COL28A1: variants seen among roughly 807,000 people sequenced by gnomAD.
The protein encoded by COL28A1 is collagen alpha-1(XXVIII) chain.
COL28A1 carries 161 observed loss-of-function variants against 150.2 expected under a neutral mutation model. The observed-to-expected ratio is 1.07, with a 90% CI of 0.94 to 1.22. The LOEUF (loss-of-function observed/expected upper bound fraction) is 1.22, where lower values mean the gene tolerates loss of function less well. Ranked by LOEUF, COL28A1 falls within the 50% of genes most tolerant of loss-of-function variation. The probability of loss-of-function intolerance (pLI) is 0.00; values close to 1 mark genes in which losing one functional copy is unlikely to be tolerated. For missense variants in COL28A1, 1,617 were observed against 1,388.3 expected, an observed-to-expected ratio of 1.16 and a Z score of -2.62; for synonymous variants, 552 against 469.7, an observed-to-expected ratio of 1.18 and a Z score of -2.26.
chr7:7,383,679 T>TGG (rs1250859112), intron 27 of COL28A1, among the ~76,000 whole-genome samples: 3 of 76,492 alleles, frequency 3.9e-5, no homozygotes, highest in African/African-American at 1.4e-4. Flanking sequence ...TGTGTGTGTG[T>TGG]GTGTATATAT....
chr7:7,531,935 A>G, intron 2 of COL28A1, 31 bp from the exon 3 acceptor site: 5 of 1,356,264 alleles, frequency 3.7e-6, no homozygotes, highest in Non-Finnish European at 5.2e-6. Context: ...TAGGCAAAAT[A>G]ATTATTCCTA....
At chr7:7,352,744 A>G (rs374578811), downstream of COL28A1, among the ~76,000 whole-genome samples, 5 of 152,224 alleles carry the variant, frequency 3.3e-5, no homozygotes, top group Admixed American at 2.0e-4. Context: ...CTACAAAATT[A>G]TAACATAACA....
chr7:7,519,995 T>C (rs1781625291), intron 6 of COL28A1, 67 bp downstream of exon 6: 1 of 812,298 alleles, frequency 1.2e-6, no homozygotes, highest in Non-Finnish European at 2.1e-6. Flanking sequence ...TTTTTAAAAT[T>C]GTTGTTTTAA....
At chr7:7,361,942 ACAC>A (rs1273412195) in intron 33 of COL28A1, among the ~76,000 whole-genome samples, 1 of 152,214 alleles carries the variant, frequency 6.6e-6, no homozygotes, top group Non-Finnish European at 1.5e-5. Context: ...AGAAAACCAA[ACAC>A]CACATGTTCT....
intron 15 of COL28A1, among the ~76,000 whole-genome samples, chr7:7,461,155 A>G (rs1173595329): frequency 6.6e-6 from 1 of 152,176 alleles, no homozygotes; most frequent in Non-Finnish European, 1.5e-5. Flanking sequence ...GGGAACCTGA[A>G]GGTCTAGATT....
chr7:7,374,185 T>C (rs7808775), intron 31 of COL28A1, among the ~76,000 whole-genome samples: 93,962 of 151,588 alleles, frequency 0.62, 33,023 homozygotes, highest in East Asian at 0.87. Context: ...AACATTCCTC[T>C]TCCTCTCCCA....
At chr7:7,486,745 T>A (rs1242209104) in intron 13 of COL28A1, among the ~76,000 whole-genome samples, 2 of 152,234 alleles carry the variant, frequency 1.3e-5, no homozygotes, top group African/African-American at 2.4e-5. Context: ...ATTCCATTGA[T>A]TAATTTTCAA....
intron 15 of COL28A1, among the ~76,000 whole-genome samples, chr7:7,458,392 GACA>G (rs1344699452): frequency 4.6e-5 from 7 of 150,870 alleles, no homozygotes; most frequent in Admixed American, 4.0e-4. Context: ...CTCCAGCCTG[GACA>G]ACAAGAGTGA....
chr7:7,442,042 C>A (rs1785837033), intron 20 of COL28A1, among the ~76,000 whole-genome samples: 1 of 152,132 alleles, frequency 6.6e-6, no homozygotes, highest in Non-Finnish European at 1.5e-5. Context: ...AGCAGGAACC[C>A]AATTACATGT....
intron 30 of COL28A1, 69 bp from the exon 31 acceptor site, chr7:7,375,566 A>G (rs1230769622): frequency 2.0e-6 from 2 of 1,016,880 alleles, no homozygotes; most frequent in Admixed American, 4.8e-5. Flanking sequence ...GCCATAAAAG[A>G]TATCTCATTA....
intron 32 of COL28A1, among the ~76,000 whole-genome samples, chr7:7,371,725 A>C (rs1781230095): frequency 1.3e-5 from 2 of 152,394 alleles, no homozygotes; most frequent in South Asian, 4.1e-4. Flanking sequence ...CTTAAATTAG[A>C]TCAATGTCCT....
intron 33 of COL28A1, among the ~76,000 whole-genome samples, chr7:7,362,250 A>ATACTTTT (rs1554258731): frequency 6.6e-6 from 1 of 151,688 alleles, no homozygotes; most frequent in African/African-American, 2.4e-5. Context: ...GAATAATTAT[A>ATACTTTT]TTCTTTTGCA....
chr7:7,372,960 A>G, intron 32 of COL28A1, 38 bp downstream of exon 32: 1 of 1,566,434 alleles, frequency 6.4e-7, no homozygotes, highest in Non-Finnish European at 8.7e-7. Flanking sequence ...GAGGAACAAC[A>G]TAAATGCCTT....
intron 30 of COL28A1, among the ~76,000 whole-genome samples, chr7:7,376,637 G>A (rs945548121): frequency 2.6e-5 from 4 of 151,930 alleles, no homozygotes; most frequent in Admixed American, 6.5e-5. Flanking sequence ...AAGGTAAAAT[G>A]TATGTATTTA....
chr7:7,385,999 T>C (rs1422590939), intron 27 of COL28A1, among the ~76,000 whole-genome samples: 5 of 152,180 alleles, frequency 3.3e-5, no homozygotes, highest in Non-Finnish European at 7.3e-5. Flanking sequence ...TGATAAACAA[T>C]GATTTGAGTG....
intron 11 of COL28A1, among the ~76,000 whole-genome samples, chr7:7,499,032 C>T (rs1029571): frequency 0.098 from 14,859 of 152,034 alleles, 861 homozygotes; most frequent in Middle Eastern, 0.22. Context: ...GTTCTGGCAG[C>T]CACTTCAAGT....
chr7:7,404,315 A>G (rs1027316588), intron 27 of COL28A1, among the ~76,000 whole-genome samples: 1 of 151,744 alleles, frequency 6.6e-6, no homozygotes, highest in African/African-American at 2.4e-5. Flanking sequence ...CCCCCAGGAG[A>G]CAGTTACTCT....
chr7:7,409,336 G>C (rs553233756), intron 27 of COL28A1, among the ~76,000 whole-genome samples: 1 of 152,102 alleles, frequency 6.6e-6, no homozygotes, highest in South Asian at 2.1e-4. Flanking sequence ...GTTTTATATG[G>C]ACAGAATCTG....
In COL28A1 at chr7:7,380,823, C is replaced by T; in HGVS notation, c.2245G>A (p.Asp749Asn). 4 of 1,614,050 alleles carry T rather than the reference C, an allele frequency of 2.5e-6. No homozygotes were observed. Among genetic ancestry groups the T allele is most frequent in the Non-Finnish European group, 3.4e-6 (4 of 1,179,942 alleles). The change falls in exon 29 of 35, where the codon GAT becomes AAT. Residue 749 changes from aspartate to asparagine, a missense_variant. By Grantham distance (23) the Asp-to-Asn change is conservative. Coordinates refer to ENST00000399429, the MANE Select transcript of COL28A1 (RefSeq NM_001037763.3). ...GERGDVGKKG[D>N]KGEIGEPGSP... ...CCAGGCTCTCCAATTTCTCCTTTAT[C>T]ACCTTTCTTTCCCACATCGCCCCGT...
Sources: allele counts gnomAD v4.1 joint callset (sites outside exome capture counted in the v4.1 genomes callset), GRCh38; gene constraint gnomAD v4.1.1; transcripts MANE v1.5; gene names NCBI Gene and HGNC (gene_info 2026-07-23, HGNC 2026-07-21).